CADM2: variants seen among roughly 807,000 people sequenced by gnomAD.
CADM2 encodes cell adhesion molecule 2, also known as immunoglobulin superfamily member 4D.
CADM2 carries 12 observed loss-of-function variants against 49.8 expected under a neutral mutation model. The observed-to-expected ratio is 0.24, with a 90% CI of 0.15 to 0.39. CADM2 has a LOEUF of 0.39. Ranked by LOEUF, CADM2 falls within the 10% of genes least tolerant of loss-of-function variation. The pLI is 1.00. For missense variants in CADM2, 378 were observed against 492.3 expected (o/e 0.77, Z 2.20); for synonymous variants, 214 against 175.4 (o/e 1.22, Z -1.74).
At chr3:85,948,987 G>T (rs1168151221) in intron 7 of CADM2, among the ~76,000 whole-genome samples, 1 of 151,320 alleles carries the variant, frequency 6.6e-6, no homozygotes, top group African/African-American at 2.4e-5. Flanking sequence ...GAAATGTGAG[G>T]CATGGTGGAC....
chr3:85,954,262 C>A (rs1723782958), intron 7 of CADM2, among the ~76,000 whole-genome samples: 1 of 150,944 alleles, frequency 6.6e-6, no homozygotes, highest in Non-Finnish European at 1.5e-5. Context: ...TATGACTTTA[C>A]ATATATGTGG....
chr3:85,583,798 G>A (rs998647193), intron 1 of CADM2, among the ~76,000 whole-genome samples: 1 of 151,816 alleles, frequency 6.6e-6, no homozygotes, highest in African/African-American at 2.4e-5. Flanking sequence ...AGAAATATTA[G>A]CATGAAATTA....
chr3:85,603,324 G>A (rs1362535420), intron 1 of CADM2, among the ~76,000 whole-genome samples: 1 of 151,878 alleles, frequency 6.6e-6, no homozygotes, highest in African/African-American at 2.4e-5. Flanking sequence ...ACAGTTGGTA[G>A]TTCTTGTTTT....
At chr3:85,069,313 TTTTA>T (rs1297030947) in intron 1 of CADM2, among the ~76,000 whole-genome samples, 1 of 152,164 alleles carries the variant, frequency 6.6e-6, no homozygotes, top group African/African-American at 2.4e-5. Context: ...ATTGTATTTG[TTTTA>T]TTTGTCCATT....
intron 1 of CADM2, among the ~76,000 whole-genome samples, chr3:85,521,254 T>G (rs916732638): frequency 6.6e-6 from 1 of 152,132 alleles, no homozygotes; most frequent in Admixed American, 6.6e-5. Flanking sequence ...CAGTAATATA[T>G]TTTTATTATT....
chr3:85,749,924 A>G (rs2068794632), intron 2 of CADM2, among the ~76,000 whole-genome samples: 1 of 151,982 alleles, frequency 6.6e-6, no homozygotes, highest in African/African-American at 2.4e-5. Flanking sequence ...TGTGTATGGT[A>G]TTAGATTCCT....
intron 1 of CADM2, among the ~76,000 whole-genome samples, chr3:85,456,275 T>C (rs1224119551): frequency 3.3e-5 from 5 of 152,182 alleles, no homozygotes; most frequent in African/African-American, 1.2e-4. Flanking sequence ...TGATAGTCTA[T>C]CTGGCAGCCA....
intron 1 of CADM2, among the ~76,000 whole-genome samples, chr3:85,086,930 A>G (rs1000007330): frequency 2.7e-4 from 41 of 152,176 alleles, no homozygotes; most frequent in African/African-American, 9.6e-4. Flanking sequence ...GTATTTGAGG[A>G]CATTGTAAAT....
chr3:85,696,116 G>T (rs1004578010), intron 1 of CADM2, among the ~76,000 whole-genome samples: 1 of 151,788 alleles, frequency 6.6e-6, no homozygotes, highest in African/African-American at 2.4e-5. Flanking sequence ...GGAATTATTT[G>T]GTTTTTTCTC....
chr3:85,347,580 CATATATACATATATATACAT>C (rs1431682767), intron 1 of CADM2, among the ~76,000 whole-genome samples: 1 of 109,246 alleles, frequency 9.2e-6, no homozygotes, highest in Non-Finnish European at 1.8e-5. Flanking sequence ...AATATATATA[CATATATACATATATATACAT>C]ATATATAAAA....
At chr3:85,147,275 C>CAAAAAAAAAAAAA (rs759888985) in intron 1 of CADM2, among the ~76,000 whole-genome samples, 7 of 46,000 alleles carry the variant, frequency 1.5e-4, no homozygotes, top group African/African-American at 3.5e-4. Context: ...GACTCTGTCT[C>CAAAAAAAAAAAAA]AAAAAAAAAA....
intron 3 of CADM2, among the ~76,000 whole-genome samples, chr3:85,870,176 T>G (rs139422514): frequency 5.6e-4 from 85 of 152,244 alleles, no homozygotes; most frequent in Middle Eastern, 3.4e-3. Flanking sequence ...ATATCTTGAA[T>G]AGGTAGATGC....
chr3:85,966,770 G>A (rs1394204348), intron 8 of CADM2, among the ~76,000 whole-genome samples: 3 of 151,400 alleles, frequency 2.0e-5, no homozygotes, highest in Admixed American at 6.6e-5. Context: ...TGACTGTTAC[G>A]GTTTGTTTTA....
intron 1 of CADM2, among the ~76,000 whole-genome samples, chr3:85,057,239 ATACAT>A (rs1424507015): frequency 1.3e-5 from 2 of 152,166 alleles, no homozygotes; most frequent in African/African-American, 2.4e-5. Context: ...CCGTGAAAAA[ATACAT>A]AAACATCAGC....
chr3:85,511,536 A>G (rs995182448), intron 1 of CADM2, among the ~76,000 whole-genome samples: 7 of 152,240 alleles, frequency 4.6e-5, no homozygotes, highest in African/African-American at 1.7e-4. Context: ...TGTTTTGGAA[A>G]GTAATACAAT....
At chr3:85,200,182 T>C (rs1329042341) in intron 1 of CADM2, among the ~76,000 whole-genome samples, 3 of 152,030 alleles carry the variant, frequency 2.0e-5, no homozygotes, top group African/African-American at 7.2e-5. Flanking sequence ...TCATATTTAA[T>C]ATAGACGTTA....
intron 3 of CADM2, among the ~76,000 whole-genome samples, chr3:85,835,725 T>C (rs1445580408): frequency 1.4e-5 from 2 of 146,476 alleles, no homozygotes; most frequent in Admixed American, 7.0e-5. Context: ...TATGTGTATA[T>C]ATATATATAT....
At chr3:85,347,654 T>A (rs1269952685) in intron 1 of CADM2, among the ~76,000 whole-genome samples, 1 of 145,348 alleles carries the variant, frequency 6.9e-6, no homozygotes, top group African/African-American at 2.5e-5. Flanking sequence ...TATATATATT[T>A]TTTTTAAGAT....
intron 1 of CADM2, among the ~76,000 whole-genome samples, chr3:85,721,218 A>G (rs1044234209): frequency 5.3e-5 from 8 of 152,206 alleles, no homozygotes; most frequent in Non-Finnish European, 1.0e-4. Flanking sequence ...GTAACTTTTC[A>G]TATATGAAAA....
Sources: allele counts gnomAD v4.1 joint callset (sites outside exome capture counted in the v4.1 genomes callset), GRCh38; gene constraint gnomAD v4.1.1; transcripts MANE v1.5; gene names NCBI Gene and HGNC (gene_info 2026-07-23, HGNC 2026-07-21).